The following LIMA1 variants were observed in gnomAD, a reference collection of about 807,000 sequenced individuals.
The protein encoded by LIMA1 is LIM domain and actin binding 1, also known as LIM domain and actin-binding protein 1.
Under a neutral mutation model 62.6 loss-of-function variants are expected in LIMA1, and 52 were observed. The observed-to-expected ratio is 0.83, with a 90% confidence interval of 0.67 to 1.05. The LOEUF is 1.05. Ranked by LOEUF, LIMA1 falls within the 50% of genes least tolerant of loss-of-function variation. The pLI, the probability that LIMA1 is intolerant of heterozygous loss-of-function variation, is 0.00. For synonymous variants in LIMA1, 302 were observed against 317.8 expected, an observed-to-expected ratio of 0.95 and a Z score of 0.53; for missense variants, 780 against 902.2, an observed-to-expected ratio of 0.86 and a Z score of 1.74.
At position 50,266,897 on chromosome 12, in the gene LIMA1, A is replaced by C. The variant is rs770283777; in HGVS notation, c.-24+16523T>G. ...TATGTGTTGGCCACTCAATACATTT[A>C]CTTTTTTTTTATTCTGAGACAGAGT... On this transcript the variant is annotated intron_variant, in intron 1 of 10. Coordinates refer to ENST00000341247, the MANE Select transcript of LIMA1 (RefSeq NM_016357.5). 7.9e-5 allele frequency among the ~76,000 whole-genome samples: 12 copies of C among 151,916 alleles called. No homozygotes were observed. The South Asian group carries it at 2.5e-3, about 32-fold the overall frequency.
chr12:50,195,806 C>T, intron 8 of LIMA1, 24 bp downstream of exon 8: 2 of 1,590,500 alleles, frequency 1.3e-6, no homozygotes, highest in East Asian at 2.2e-5. Context: ...ACCTCATCCT[C>T]CAGATCTAAG....
intron 5 of LIMA1, 149 bp downstream of exon 5, chr12:50,205,835 G>A (rs1487736942): frequency 2.9e-6 from 1 of 345,578 alleles, no homozygotes; most frequent in African/African-American, 2.2e-5. Flanking sequence ...CGAGAGCAAT[G>A]AGATTTGAGA....
At chr12:50,268,777 C>T (rs760812124) in intron 1 of LIMA1, among the ~76,000 whole-genome samples, 1 of 152,124 alleles carries the variant, frequency 6.6e-6, no homozygotes, top group Non-Finnish European at 1.5e-5. Context: ...GAGGAAGAAA[C>T]TAAGGCTCTA....
chr12:50,217,722 G>A (rs2138537695), intron 4 of LIMA1: 1 of 291,080 alleles, frequency 3.4e-6, no homozygotes, highest in Non-Finnish European at 6.7e-6. Context: ...GAAGGTGTTC[G>A]ATCCTTGTGG....
In LIMA1 at chr12:50,204,713, A is replaced by G. The variant is rs1024015316; in HGVS notation, c.716-13T>C. On this transcript the variant is annotated splice_polypyrimidine_tract_variant and intron_variant, in intron 5 of 10. Transcript: ENST00000341247. ...GATGACAACTGACCTGGAAGCATCCAAATAACATGTTTTATTTTATTTCTG... is the reference window on the plus strand; with the variant it reads ...GATGACAACTGACCTGGAAGCATCCGAATAACATGTTTTATTTTATTTCTG... The G allele has an allele frequency of 6.2e-7, 1 of 1,613,626 alleles. No individual in the cohort carries two copies. Among genetic ancestry groups the G allele is most frequent in the African/African-American group, 1.3e-5 (1 of 74,968 alleles).
At chr12:50,214,612 G>C (rs777829545) in intron 4 of LIMA1, among the ~76,000 whole-genome samples, 12 of 152,214 alleles carry the variant, frequency 7.9e-5, no homozygotes, top group Non-Finnish European at 1.8e-4. Context: ...TTCAAGACCA[G>C]CCTGACCCAC....
intron 1 of LIMA1, among the ~76,000 whole-genome samples, chr12:50,282,567 G>T (rs917292611): frequency 6.6e-6 from 1 of 152,202 alleles, no homozygotes; most frequent in East Asian, 1.9e-4. Flanking sequence ...GTCTCGCTAA[G>T]TTGCCTTGGC....
intron 6 of LIMA1, among the ~76,000 whole-genome samples, chr12:50,203,176 A>T (rs1941087167): frequency 7.0e-6 from 1 of 142,680 alleles, no homozygotes; most frequent in African/African-American, 2.6e-5. Context: ...CACCTGGCTA[A>T]TTTTTTTTTT....
chr12:50,182,969 C>T (rs940393283), intron 9 of LIMA1, among the ~76,000 whole-genome samples: 6 of 152,042 alleles, frequency 3.9e-5, no homozygotes, highest in Admixed American at 2.0e-4. Flanking sequence ...TTTAGGAGGC[C>T]GAGGTGGGCG....
intron 9 of LIMA1, among the ~76,000 whole-genome samples, chr12:50,182,368 A>AGTGCAGGG (rs1565827092): frequency 1.3e-5 from 2 of 151,554 alleles, no homozygotes; most frequent in Admixed American, 1.3e-4. Flanking sequence ...CGGGGGGGGG[A>AGTGCAGGG]GTGCAGGGAT....
Position 50,283,515 on chromosome 12 carries a change from C to A in LIMA1, c.-119G>T, listed in dbSNP as rs1165399767. 1 of 152,272 alleles carries A rather than the reference C, an allele frequency of 6.6e-6. No homozygotes were observed. Among genetic ancestry groups the A allele is most frequent in the Non-Finnish European group, 1.5e-5 (1 of 68,102 alleles). The allele number at this position is 152,272 out of a possible 1,614,324, so 9.4% of individuals were successfully genotyped here. On this transcript the variant is annotated 5_prime_UTR_variant, in exon 1 of 11. Transcript: ENST00000341247. ...ACCTGTCGCGACCAAGCTGCTAACA[C>A]CTACTGCTCCTGCGGCCCCGCCCCG... is the stretch of plus-strand genomic sequence containing the variant.
intron 3 of LIMA1, among the ~76,000 whole-genome samples, chr12:50,224,896 A>ATTT (rs773474227): frequency 3.2e-4 from 34 of 104,818 alleles, no homozygotes; most frequent in African/African-American, 4.1e-4. Flanking sequence ...CATGCCTGGC[A>ATTT]TTTTTTTTTT....
intron 6 of LIMA1, among the ~76,000 whole-genome samples, chr12:50,203,446 C>T (rs1432420406): frequency 6.6e-6 from 1 of 151,346 alleles, no homozygotes; most frequent in Non-Finnish European, 1.5e-5. Context: ...CGGAGTCTTG[C>T]TGTGTCGCCC....
At chr12:50,261,042 A>ATATATATTTTTTTTTTT (rs1383547189) in intron 1 of LIMA1, among the ~76,000 whole-genome samples, 1 of 54,292 alleles carries the variant, frequency 1.8e-5, no homozygotes, top group African/African-American at 7.2e-5. Context: ...CATCTAGTAT[A>ATATATATTTTTTTTTTT]TTTTTTTTTT....
chr12:50,178,818 A>C (rs547183447), intron 10 of LIMA1, among the ~76,000 whole-genome samples: 58 of 152,060 alleles, frequency 3.8e-4, no homozygotes, highest in Non-Finnish European at 6.6e-4. Flanking sequence ...TCTTTGCTAA[A>C]ATTTCTGTGT....
At chr12:50,264,169 C>A (rs1456108870) in intron 1 of LIMA1, among the ~76,000 whole-genome samples, 1 of 151,832 alleles carries the variant, frequency 6.6e-6, no homozygotes, top group East Asian at 1.9e-4. Context: ...ACAGGAAAAT[C>A]TATAGAGACA....
rs564133403 is a variant in LIMA1 at position 50,206,451 on chromosome 12, C to T, written c.631-383G>A. Among the ~76,000 whole-genome samples, 4 of 152,338 alleles carry T rather than the reference C, an allele frequency of 2.6e-5. No individual in the cohort carries two copies. The East Asian group carries it at 7.7e-4, about 29-fold the overall frequency. ...CTATTGCTGCCTTAGTTCATGTCTT[C>T]ATCATCTTTCCCCTGGACTACTGCA... On this transcript the variant is annotated intron_variant, in intron 4 of 10. Coordinates refer to ENST00000341247, the MANE Select transcript of LIMA1 (RefSeq NM_016357.5).
At chr12:50,277,264 A>AT (rs367613252) in intron 1 of LIMA1, among the ~76,000 whole-genome samples, 14 of 148,742 alleles carry the variant, frequency 9.4e-5, no homozygotes, top group South Asian at 2.1e-4. Flanking sequence ...ACCCCATTCA[A>AT]TTTTTTTTTT....
intron 4 of LIMA1, among the ~76,000 whole-genome samples, chr12:50,215,577 C>A (rs900699610): frequency 5.9e-5 from 9 of 152,100 alleles, no homozygotes; most frequent in African/African-American, 2.2e-4. Context: ...TCACGCCATT[C>A]TCCTGCCTCA....
Sources: gnomAD v4.1 joint callset for allele counts (sites outside exome capture counted in the v4.1 genomes callset) on GRCh38, gnomAD v4.1.1 for gene constraint, MANE v1.5 for transcripts, NCBI Gene and HGNC (gene_info 2026-07-23, HGNC 2026-07-21) for gene names.